MAN1A1: variants seen among roughly 807,000 people sequenced by gnomAD.
MAN1A1 encodes mannosyl-oligosaccharide 1,2-alpha-mannosidase IA.
In MAN1A1, 29 loss-of-function variants were observed where a neutral mutation model predicts 70.8. The observed-to-expected ratio is 0.41, with a 90% confidence interval of 0.31 to 0.56. The LOEUF is 0.56. MAN1A1 is among the 20% of genes least tolerant of loss of function. MAN1A1 has a pLI of 0.29. For missense variants in MAN1A1, 747 were observed against 841.3 expected (o/e 0.89, Z 1.39); for synonymous variants, 349 against 330.1 (o/e 1.06, Z -0.62).
At chr6:119,250,793 C>T (rs1775299146) in intron 5 of MAN1A1, among the ~76,000 whole-genome samples, 1 of 152,114 alleles carries the variant, frequency 6.6e-6, no homozygotes, top group Non-Finnish European at 1.5e-5. Context: ...TCAAATTCAA[C>T]CTTCTATTTT....
At chr6:119,232,372 C>CAAAAA (rs71015028) in intron 6 of MAN1A1, among the ~76,000 whole-genome samples, 8 of 89,336 alleles carry the variant, frequency 9.0e-5, no homozygotes, top group East Asian at 3.7e-4. Context: ...GACTCTGTCT[C>CAAAAA]AAAAAAAAAA....
intron 5 of MAN1A1, among the ~76,000 whole-genome samples, chr6:119,283,726 T>A (rs1267493831): frequency 6.6e-6 from 1 of 151,996 alleles, no homozygotes. Flanking sequence ...AAGGGTCTGT[T>A]ATACAGTGGA....
chr6:119,239,392 A>C (rs1441380550), intron 6 of MAN1A1, among the ~76,000 whole-genome samples: 1 of 152,228 alleles, frequency 6.6e-6, no homozygotes. Flanking sequence ...AACTGCAATT[A>C]ATAATTCTTC....
At chr6:119,185,121 T>G (rs1194154948) in intron 11 of MAN1A1, among the ~76,000 whole-genome samples, 2 of 152,176 alleles carry the variant, frequency 1.3e-5, no homozygotes, top group Non-Finnish European at 2.9e-5. Context: ...CTCCTATCCT[T>G]GAGCCATCCT....
chr6:119,273,966 G>A (rs1347925923), intron 5 of MAN1A1, among the ~76,000 whole-genome samples: 4 of 152,166 alleles, frequency 2.6e-5, no homozygotes, highest in Non-Finnish European at 5.9e-5. Context: ...GGGGTTGCAT[G>A]AGATTGAGAA....
At chr6:119,254,774 T>A in intron 5 of MAN1A1, among the ~76,000 whole-genome samples, 1 of 152,202 alleles carries the variant, frequency 6.6e-6, no homozygotes. Flanking sequence ...CTGATTACAT[T>A]CATAACAAAA....
intron 5 of MAN1A1, among the ~76,000 whole-genome samples, chr6:119,288,610 A>T (rs1384420800): frequency 6.6e-6 from 1 of 151,952 alleles, no homozygotes; most frequent in African/African-American, 2.4e-5. Context: ...TGGGAGAAAT[A>T]GGCAAGTGAT....
At chr6:119,311,895 T>G (rs995207779) in intron 2 of MAN1A1, among the ~76,000 whole-genome samples, 1 of 152,180 alleles carries the variant, frequency 6.6e-6, no homozygotes, top group Admixed American at 6.5e-5. Context: ...AGGCTCTAAA[T>G]GCTAAAAATC....
At chr6:119,282,574 A>G (rs551451426) in intron 5 of MAN1A1, among the ~76,000 whole-genome samples, 6 of 152,308 alleles carry the variant, frequency 3.9e-5, no homozygotes, top group Admixed American at 1.3e-4. Context: ...CAAAATTACA[A>G]TTCTCTGTTT....
At chr6:119,225,634 G>A (rs1774492119) in intron 6 of MAN1A1, among the ~76,000 whole-genome samples, 1 of 152,112 alleles carries the variant, frequency 6.6e-6, no homozygotes, top group Non-Finnish European at 1.5e-5. Flanking sequence ...AATCTTGAAA[G>A]TACCCAGAAA....
chr6:119,306,852 G>A lies in MAN1A1; in HGVS notation c.700+44C>T, dbSNP rs200633795. 249 of 1,335,208 alleles carry A rather than the reference G, an allele frequency of 1.9e-4. 2 individuals carry two copies. In the African/African-American group the frequency reaches 3.2e-3, roughly 17 times the overall value. The allele number at this position is 1,335,208 out of a possible 1,614,324, so 82.7% of individuals were successfully genotyped here. On this transcript the variant is annotated intron_variant, in intron 3 of 12. Coordinates refer to ENST00000368468, the MANE Select transcript of MAN1A1 (RefSeq NM_005907.4). The stretch of plus-strand genomic sequence containing the variant: ...CACCATCCATAAGCTCAAGCAATTG[G>A]GGAGAAGTTATCGTCACTAAGAAAC...
At chr6:119,196,087 C>A (rs768956353) in intron 8 of MAN1A1, among the ~76,000 whole-genome samples, 20 of 152,246 alleles carry the variant, frequency 1.3e-4, no homozygotes, top group Non-Finnish European at 1.8e-4. Context: ...TGGCCAGGAT[C>A]CAGACGTGTC....
intron 4 of MAN1A1, among the ~76,000 whole-genome samples, chr6:119,291,042 G>C (rs577599255): frequency 6.6e-6 from 1 of 151,858 alleles, no homozygotes; most frequent in African/African-American, 2.4e-5. Context: ...TAAATGATAC[G>C]GTTTGTCTCT....
chr6:119,225,223 A>G (rs1774473570), intron 6 of MAN1A1, among the ~76,000 whole-genome samples: 2 of 152,100 alleles, frequency 1.3e-5, no homozygotes, highest in African/African-American at 4.8e-5. Flanking sequence ...CTTGTGAAAT[A>G]ACATTTAGGG....
chr6:119,178,520 C>T lies in MAN1A1; in HGVS notation c.*1299G>A, dbSNP rs1488819158. The T allele has an allele frequency of 6.6e-6, 1 of 152,006 alleles. No homozygotes were observed. Among genetic ancestry groups the T allele is most frequent in the African/African-American group, 2.4e-5 (1 of 41,412 alleles). The allele number at this position is 152,006 out of a possible 1,614,324, so 9.4% of individuals were successfully genotyped here. ...CAATGTAAGCAAACACAAGGTATCACACCAAATCTATTCTTGAGAAAACCA... is the reference window on the plus strand; with the variant it reads ...CAATGTAAGCAAACACAAGGTATCATACCAAATCTATTCTTGAGAAAACCA... On this transcript the variant is annotated 3_prime_UTR_variant, in exon 13 of 13. Transcript: ENST00000368468.
At chr6:119,318,670 T>C (rs3823003) in intron 2 of MAN1A1, among the ~76,000 whole-genome samples, 58,638 of 152,072 alleles carry the variant, frequency 0.39, 11,802 homozygotes, top group African/African-American at 0.41. Context: ...AAGCATTAAA[T>C]GTACTGCTAT....
chr6:119,273,063 T>C (rs2114380652), intron 5 of MAN1A1, among the ~76,000 whole-genome samples: 1 of 152,308 alleles, frequency 6.6e-6, no homozygotes, highest in Admixed American at 6.5e-5. Flanking sequence ...TTCAAGACTT[T>C]ATAAGCTGAA....
Position 119,348,504 on chromosome 6 carries a change from C to A in MAN1A1, c.562G>T (p.Ala188Ser). ...CTTTTCTCGCGGATGGCGGCGTCGG[C>A]GGGCTCCCGGCTCTCCACCCCGATT... ...PPIGVESREP[A>S]DAAIREKRAK... Residue 188 changes from alanine (A) to serine (S), a missense_variant, in exon 2 of 13, where the codon GCC becomes TCC. This residue lies in a region of MAN1A1 where 328 missense variants were observed against 293.1 expected (regional missense o/e 1.12). Transcript: ENST00000368468. 6.2e-7 allele frequency: 1 copy of A among 1,609,756 alleles called. No individual in the cohort carries two copies. The highest frequency in any genetic ancestry group is 1.7e-5 in the Admixed American group (1 of 59,420).
intron 5 of MAN1A1, among the ~76,000 whole-genome samples, chr6:119,266,774 A>G (rs1374072168): frequency 6.6e-6 from 1 of 152,196 alleles, no homozygotes; most frequent in Admixed American, 6.5e-5. Context: ...CTGCTCTGCA[A>G]AAGACACTGT....
Sources: gnomAD v4.1 joint callset for allele counts (sites outside exome capture counted in the v4.1 genomes callset) on GRCh38, gnomAD v4.1.1 for gene constraint, gnomAD v4.1.1 regional missense constraint, MANE v1.5 for transcripts, NCBI Gene and HGNC (gene_info 2026-07-23, HGNC 2026-07-21) for gene names.